DPP6: variants seen among roughly 807,000 people sequenced by gnomAD.
DPP6 encodes the protein A-type potassium channel modulatory protein DPP6.
In DPP6, 69 loss-of-function variants were observed where a neutral mutation model predicts 122.6. The ratio of observed to expected loss-of-function variants is 0.56; its 90% CI spans 0.46 to 0.69. DPP6 has a LOEUF of 0.69. Ranked by LOEUF, DPP6 falls within the 30% of genes least tolerant of loss-of-function variation. The probability of loss-of-function intolerance (pLI) is 0.00; values close to 1 mark genes in which losing one functional copy is unlikely to be tolerated. For synonymous variants in DPP6, 418 were observed against 433.1 expected (o/e 0.97, Z 0.43); for missense variants, 928 against 1,116.9 (o/e 0.83, Z 2.41).
chr7:154,329,584 G>T (rs1367805881), intron 1 of DPP6, among the ~76,000 whole-genome samples: 1 of 152,162 alleles, frequency 6.6e-6, no homozygotes, highest in African/African-American at 2.4e-5. Flanking sequence ...ACACTGTTGG[G>T]GGGAGTGTAA....
chr7:153,809,217 G>A, the DPP6 span, among the ~76,000 whole-genome samples: 1 of 152,098 alleles, frequency 6.6e-6, no homozygotes, highest in East Asian at 1.9e-4. Flanking sequence ...GTCTATTCAG[G>A]CCCTTTGCCT....
chr7:154,885,697 T>A lies in DPP6; in HGVS notation c.2198T>A (p.Phe733Tyr). Residue 733 changes from phenylalanine (F) to tyrosine (Y), a missense_variant, in exon 22 of 26, where the codon TTC (phenylalanine) becomes TAC (tyrosine). Phe to Tyr is a conservative substitution (Grantham distance 22). Transcript: ENST00000377770. Reference protein sequence around the residue: ...PAKGENQGQTFTCGSALSPIT... With the variant: ...PAKGENQGQTYTCGSALSPIT... ...AAGGGAGAAAATCAAGGCCAGACAT[T>A]CACCTGCGGCTCTGCTCTCTCTCCA... 2 of 1,599,698 alleles carry A rather than the reference T, an allele frequency of 1.3e-6. No homozygotes were observed. The highest frequency in any genetic ancestry group is 1.7e-6 in the Non-Finnish European group (2 of 1,173,262).
chr7:154,055,811 T>C (rs538983745), intron 1 of DPP6: 1 of 152,372 alleles, frequency 6.6e-6, no homozygotes, highest in African/African-American at 2.4e-5. Context: ...TTCTCTGGCT[T>C]GTCAGGGAAG....
intron 8 of DPP6, among the ~76,000 whole-genome samples, chr7:154,749,232 G>GAA: frequency 8.1e-6 from 1 of 123,324 alleles, no homozygotes; most frequent in Non-Finnish European, 1.8e-5. Flanking sequence ...GGACAGGAGG[G>GAA]AGAGGGATGG....
chr7:154,022,716 C>G (rs573917340), intron 1 of DPP6, among the ~76,000 whole-genome samples: 1 of 152,282 alleles, frequency 6.6e-6, no homozygotes, highest in Admixed American at 6.5e-5. Flanking sequence ...GACTTCGTAT[C>G]TCATTGCATA....
chr7:154,450,728 G>A (rs1474357866), intron 2 of DPP6, among the ~76,000 whole-genome samples: 1 of 152,160 alleles, frequency 6.6e-6, no homozygotes, highest in Admixed American at 6.5e-5. Flanking sequence ...GAGGGGCTGG[G>A]GGAGGAACTG....
intron 1 of DPP6, among the ~76,000 whole-genome samples, chr7:153,961,893 G>A (rs1420164723): frequency 1.3e-4 from 19 of 144,432 alleles, no homozygotes; most frequent in Admixed American, 1.4e-4. Flanking sequence ...TAATGCGAGC[G>A]ATGGGGAGCG....
chr7:154,119,640 C>A (rs901413648), intron 1 of DPP6, among the ~76,000 whole-genome samples: 19 of 130,590 alleles, frequency 1.5e-4, no homozygotes, highest in African/African-American at 4.9e-4. Context: ...AAGATTACCC[C>A]CAGGAGCTTC....
chr7:153,958,456 C>T (rs1381539774), intron 1 of DPP6, among the ~76,000 whole-genome samples: 1 of 152,114 alleles, frequency 6.6e-6, no homozygotes, highest in African/African-American at 2.4e-5. Context: ...CGACCATGCC[C>T]AGCTGCAAGG....
chr7:154,161,219 G>A (rs1193743110), intron 1 of DPP6, among the ~76,000 whole-genome samples: 1 of 152,280 alleles, frequency 6.6e-6, no homozygotes, highest in East Asian at 1.9e-4. Flanking sequence ...GATTGCTGCT[G>A]ATAAGAACAC....
Position 154,861,358 on chromosome 7 carries a change from T to C in DPP6, c.1715-6637T>C, listed in dbSNP as rs144581293. 2.6e-3 allele frequency among the ~76,000 whole-genome samples: 393 copies of C among 152,360 alleles called. 3 individuals carry two copies. The highest frequency in any genetic ancestry group is 0.024 in the Admixed American group (365 of 15,302). On this transcript the variant is annotated intron_variant, in intron 17 of 25. Transcript: ENST00000377770. ...AGTTTTTAGCATATTTATTTTAAAA[T>C]AAAAGTATTACATAATCCTATGATA...
chr7:154,467,453 G>A (rs911061807), intron 2 of DPP6, among the ~76,000 whole-genome samples: 3 of 152,154 alleles, frequency 2.0e-5, no homozygotes, highest in Non-Finnish European at 4.4e-5. Flanking sequence ...TTAAAAGTGC[G>A]TAGCACCTCC....
At chr7:154,214,834 C>T (rs1225413812) in intron 1 of DPP6, among the ~76,000 whole-genome samples, 1 of 152,102 alleles carries the variant, frequency 6.6e-6, no homozygotes, top group African/African-American at 2.4e-5. Flanking sequence ...GGGAGGATGG[C>T]TTGAGTCCAG....
intron 1 of DPP6, among the ~76,000 whole-genome samples, chr7:154,264,644 TTAA>T (rs1803257018): frequency 6.6e-6 from 1 of 151,928 alleles, no homozygotes; most frequent in South Asian, 2.1e-4. Flanking sequence ...GTTAATGATG[TTAA>T]TGATGATAGT....
At chr7:154,326,463 T>A (rs956227099) in intron 1 of DPP6, among the ~76,000 whole-genome samples, 4 of 152,180 alleles carry the variant, frequency 2.6e-5, no homozygotes, top group Non-Finnish European at 5.9e-5. Flanking sequence ...AAATTGAACC[T>A]ATGATTTAAG....
At position 154,259,903 on chromosome 7, in the gene DPP6, G is replaced by A. The variant is rs1315882165; in HGVS notation, c.244-186311G>A. On this transcript the variant is annotated intron_variant, in intron 1 of 25. Coordinates refer to ENST00000377770, the MANE Select transcript of DPP6 (RefSeq NM_130797.4). ...TAGCAGAGCAGGCACGTGGCTGCTGGTTAAGGAGACGGGCACCCAGTGAGC... is the reference window on the plus strand; with the variant it reads ...TAGCAGAGCAGGCACGTGGCTGCTGATTAAGGAGACGGGCACCCAGTGAGC... 2.0e-5 allele frequency among the ~76,000 whole-genome samples: 3 copies of A among 152,346 alleles called. No homozygotes were observed. In the East Asian group the frequency reaches 5.8e-4, roughly 29 times the overall value.
chr7:154,340,227 TAG>T (rs746845559), intron 1 of DPP6, among the ~76,000 whole-genome samples: 5 of 152,220 alleles, frequency 3.3e-5, no homozygotes, highest in Non-Finnish European at 7.3e-5. Context: ...CTCTTTTATG[TAG>T]AGAGTGGCAA....
intron 1 of DPP6, among the ~76,000 whole-genome samples, chr7:154,365,916 C>T (rs952033546): frequency 6.8e-6 from 1 of 146,950 alleles, no homozygotes; most frequent in African/African-American, 2.6e-5. Flanking sequence ...CGAGATCGCG[C>T]CACTGCGTTC....
chr7:154,670,317 C>A (rs1838478553), intron 7 of DPP6, among the ~76,000 whole-genome samples: 1 of 152,166 alleles, frequency 6.6e-6, no homozygotes, highest in Admixed American at 6.5e-5. Flanking sequence ...TGCTGGGTTT[C>A]TGTGAATGGG....
Sources: allele counts gnomAD v4.1 joint callset (sites outside exome capture counted in the v4.1 genomes callset), GRCh38; gene constraint gnomAD v4.1.1; transcripts MANE v1.5; gene names NCBI Gene and HGNC (gene_info 2026-07-23, HGNC 2026-07-21).